The following ARAP2 variants were observed in gnomAD, a reference collection of about 807,000 sequenced individuals.
The protein encoded by ARAP2 is ArfGAP with RhoGAP domain, ankyrin repeat and PH domain 2.
A neutral mutation model predicts 194.5 loss-of-function variants in ARAP2; 148 were observed. That is an observed-to-expected ratio of 0.76 (90% CI 0.67 to 0.87). ARAP2 has a LOEUF of 0.87. Ranked by LOEUF, ARAP2 falls within the 40% of genes least tolerant of loss-of-function variation. The pLI is 0.00. For synonymous variants in ARAP2, 695 were observed against 683.5 expected, an observed-to-expected ratio of 1.02 and a Z score of -0.26; for missense variants, 2,128 against 1,989.7, an observed-to-expected ratio of 1.07 and a Z score of -1.32.
intron 21 of ARAP2, among the ~76,000 whole-genome samples, chr4:36,126,256 T>G (rs1411206819): frequency 6.6e-6 from 1 of 152,032 alleles, no homozygotes; most frequent in East Asian, 1.9e-4. Flanking sequence ...TTTCTAACTG[T>G]AGGAGAAATT....
intron 6 of ARAP2, among the ~76,000 whole-genome samples, chr4:36,017,222 TTAA>T (rs1426892364): frequency 3.9e-5 from 6 of 152,018 alleles, no homozygotes; most frequent in African/African-American, 1.4e-4. Flanking sequence ...TATTAAATAA[TTAA>T]TGTTAACACA....
At chr4:36,226,560 C>T (rs1030767150) in intron 2 of ARAP2, among the ~76,000 whole-genome samples, 2 of 151,532 alleles carry the variant, frequency 1.3e-5, no homozygotes, top group Non-Finnish European at 2.9e-5. Flanking sequence ...GCTCTTTTTG[C>T]AATTCATTAT....
rs796310005 is a variant in ARAP2, at chr4:36,096,374, A to AAAAAAAAAAAAAAAAAAAAAAAAAG, written c.4286-4355_4286-4354insCTTTTTTTTTTTTTTTTTTTTTTTT. 9.2e-5 allele frequency among the ~76,000 whole-genome samples: 13 copies of AAAAAAAAAAAAAAAAAAAAAAAAAG among 142,032 alleles called. 1 individual carries two copies. The highest frequency in any genetic ancestry group is 4.1e-4 in the East Asian group (2 of 4,920). 93.2% of individuals were successfully genotyped at this position (142,032 alleles called of 152,430 possible). A position where few individuals can be genotyped will look rare whatever the true frequency, so the allele number is the denominator to read the frequency against. ...AGTGAGACTCTCTCAAAAAAAAAAA[A>AAAAAAAAAAAAAAAAAAAAAAAAAG]AAAAAAGAAAAAGGAAAAAAGTAGT... On this transcript the variant is annotated intron_variant, in intron 27 of 32. Coordinates refer to ENST00000303965, the MANE Select transcript of ARAP2 (RefSeq NM_015230.4).
chr4:36,136,849 C>T (rs547544236), intron 19 of ARAP2, among the ~76,000 whole-genome samples: 6 of 143,806 alleles, frequency 4.2e-5, no homozygotes, highest in African/African-American at 1.6e-4. Flanking sequence ...CCTATCACAC[C>T]TAAGATTCAC....
At chr4:36,083,519 A>G in intron 28 of ARAP2, 69 bp from the exon 29 acceptor site, 1 of 1,110,902 alleles carries the variant, frequency 9.0e-7, no homozygotes, top group East Asian at 2.6e-5. Context: ...TTTGAGCATT[A>G]ATGATTGGGT....
intron 27 of ARAP2, among the ~76,000 whole-genome samples, chr4:36,106,434 C>G (rs1718433126): frequency 6.6e-6 from 1 of 151,784 alleles, no homozygotes; most frequent in African/African-American, 2.4e-5. Context: ...ATACTACTTG[C>G]ATTTTGTAAA....
At chr4:36,152,488 TA>T (rs956525866) in intron 15 of ARAP2, among the ~76,000 whole-genome samples, 2 of 152,000 alleles carry the variant, frequency 1.3e-5, no homozygotes, top group African/African-American at 4.8e-5. Flanking sequence ...AGAGAATAAA[TA>T]AAAAATGCAT....
chr4:36,096,683 C>T (rs1715416266), intron 27 of ARAP2, among the ~76,000 whole-genome samples: 1 of 152,092 alleles, frequency 6.6e-6, no homozygotes, highest in African/African-American at 2.4e-5. Context: ...CACCGTCATA[C>T]TAATAGATTC....
At position 36,147,646 on chromosome 4, in the gene ARAP2, T is replaced by C. The variant is rs763908690; in HGVS notation, c.3101A>G (p.Lys1034Arg). Residue 1034 changes from lysine (K) to arginine (R), a missense_variant, in exon 18 of 33, where the codon AAA becomes AGA. Lys to Arg is a conservative substitution (Grantham distance 26). Transcript: ENST00000303965. ...KDCHALDQWRKGWFAMDKSSL... is the reference protein window; with the variant it reads ...KDCHALDQWRRGWFAMDKSSL... ...GGATTTGTCCATAGCAAACCAGCCT[T>C]TTCTCCACTGATCCAGGGCATGGCA... 1.9e-6 allele frequency: 3 copies of C among 1,613,488 alleles called. No individual in the cohort carries two copies. In the African/African-American group the frequency reaches 4.0e-5, roughly 22 times the overall value.
intron 5 of ARAP2, among the ~76,000 whole-genome samples, chr4:36,040,386 T>C (rs1039128070): frequency 6.6e-6 from 1 of 152,120 alleles, no homozygotes; most frequent in African/African-American, 2.4e-5. Context: ...AAGAATTAGA[T>C]TAGTATTTGG....
chr4:36,059,325 C>G (rs2109271004), intron 1 of ARAP2, among the ~76,000 whole-genome samples: 1 of 152,180 alleles, frequency 6.6e-6, no homozygotes, highest in East Asian at 1.9e-4. Context: ...ATTAGGGAGA[C>G]AAGTTGAGAA....
At chr4:36,025,644 A>C (rs555198034) in intron 5 of ARAP2, among the ~76,000 whole-genome samples, 1 of 152,212 alleles carries the variant, frequency 6.6e-6, no homozygotes, top group East Asian at 1.9e-4. Context: ...TGTAAATATA[A>C]TTATGGAATG....
intron 4 of ARAP2, among the ~76,000 whole-genome samples, chr4:36,046,330 C>A (rs969713366): frequency 3.9e-5 from 6 of 152,072 alleles, no homozygotes; most frequent in Admixed American, 3.9e-4. Context: ...AGGCTCATGC[C>A]ACAATGGCTG....
chr4:36,239,964 C>A (rs1459140363), intron 1 of ARAP2, among the ~76,000 whole-genome samples: 3 of 152,240 alleles, frequency 2.0e-5, no homozygotes, highest in African/African-American at 7.2e-5. Context: ...CTCCTCAATC[C>A]CTTATTAGTT....
At chr4:36,130,337 T>C (rs1189809573) in intron 20 of ARAP2, among the ~76,000 whole-genome samples, 2 of 151,988 alleles carry the variant, frequency 1.3e-5, no homozygotes, top group Admixed American at 6.6e-5. Flanking sequence ...CTTACCTGAA[T>C]TGGCCTAACC....
At chr4:36,118,777 A>ATAAT (rs1185265589) in intron 24 of ARAP2, among the ~76,000 whole-genome samples, 2 of 151,476 alleles carry the variant, frequency 1.3e-5, no homozygotes, top group East Asian at 3.9e-4. Flanking sequence ...TGGAAGCTGC[A>ATAAT]TAATTACTCT....
In ARAP2 at chr4:36,045,540, T is replaced by A. The variant is rs954579777; in HGVS notation, n.607+439A>T. Among the ~76,000 whole-genome samples the A allele has an allele frequency of 4.6e-5, 7 of 151,588 alleles. No individual in the cohort carries two copies. In the East Asian group the frequency reaches 1.4e-3, roughly 29 times the overall value. On this transcript the variant is annotated intron_variant and non_coding_transcript_variant, in intron 5 of 12. Transcript: ENST00000503225. ...ATGGTGGTTATCAGAGGCTGGGGGG[T>A]TGGAAAGAATGAGGAAAGAGGAAAT...
chr4:36,144,140 T>C (rs546605970), intron 19 of ARAP2, among the ~76,000 whole-genome samples: 1 of 151,834 alleles, frequency 6.6e-6, no homozygotes, highest in African/African-American at 2.4e-5. Flanking sequence ...CTATGTATCA[T>C]TGGCCAAATA....
At chr4:36,096,651 T>G (rs967628816) in intron 27 of ARAP2, among the ~76,000 whole-genome samples, 4 of 152,124 alleles carry the variant, frequency 2.6e-5, no homozygotes, top group African/African-American at 9.7e-5. Context: ...CATACTGACC[T>G]CAGACAGTAT....
Sources: allele counts gnomAD v4.1 joint callset (sites outside exome capture counted in the v4.1 genomes callset), GRCh38; gene constraint gnomAD v4.1.1; transcripts MANE v1.5; gene names NCBI Gene and HGNC (gene_info 2026-07-23, HGNC 2026-07-21).